Variants in KCND3 observed in about 807,000 individuals in gnomAD.
KCND3 encodes the protein A-type voltage-gated potassium channel KCND3.
In KCND3, 9 loss-of-function variants were observed where a neutral mutation model predicts 51.1. The ratio of observed to expected loss-of-function variants is 0.18; its 90% CI spans 0.11 to 0.31. The LOEUF (loss-of-function observed/expected upper bound fraction) is 0.31, where lower values mean the gene tolerates loss of function less well. KCND3 is among the 10% of genes least tolerant of loss of function. The pLI is 1.00. For synonymous variants in KCND3, 349 were observed against 368.0 expected, an observed-to-expected ratio of 0.95 and a Z score of 0.59; for missense variants, 526 against 903.8, an observed-to-expected ratio of 0.58 and a Z score of 5.36.
intron 2 of KCND3, among the ~76,000 whole-genome samples, chr1:111,826,197 T>C (rs1419222719): frequency 6.6e-6 from 1 of 152,356 alleles, no homozygotes; most frequent in East Asian, 1.9e-4. Flanking sequence ...ACGAGCTCTT[T>C]ATATATTAAA....
chr1:111,950,283 T>G (rs954728138), intron 2 of KCND3, among the ~76,000 whole-genome samples: 3 of 152,218 alleles, frequency 2.0e-5, no homozygotes, highest in Non-Finnish European at 4.4e-5. Context: ...CTATTTAATT[T>G]TTTTGAAAAT....
chr1:111,905,910 T>C (rs1571831078), intron 2 of KCND3, among the ~76,000 whole-genome samples: 4 of 152,328 alleles, frequency 2.6e-5, no homozygotes, highest in East Asian at 3.9e-4. Flanking sequence ...GCCTGCAGCA[T>C]TGGCCCCTGT....
intron 2 of KCND3, among the ~76,000 whole-genome samples, chr1:111,961,656 A>G (rs1412525451): frequency 6.6e-6 from 1 of 152,118 alleles, no homozygotes; most frequent in Non-Finnish European, 1.5e-5. Context: ...ATGGGGATCC[A>G]GTAGGACACT....
intron 2 of KCND3, among the ~76,000 whole-genome samples, chr1:111,851,112 C>T (rs1286437185): frequency 6.6e-6 from 1 of 152,206 alleles, no homozygotes; most frequent in African/African-American, 2.4e-5. Flanking sequence ...CAAAACCCAA[C>T]TTGGACATAA....
At chr1:111,847,047 A>G (rs145840826) in intron 2 of KCND3, among the ~76,000 whole-genome samples, 2 of 152,308 alleles carry the variant, frequency 1.3e-5, no homozygotes, top group African/African-American at 4.8e-5. Context: ...GCAAATATCT[A>G]CAGGCACTTA....
intron 2 of KCND3, among the ~76,000 whole-genome samples, chr1:111,891,927 T>TA (rs1669843005): frequency 6.6e-6 from 1 of 152,066 alleles, no homozygotes; most frequent in Non-Finnish European, 1.5e-5. Flanking sequence ...ACACCATCCT[T>TA]GCCCTTATTT....
chr1:111,825,256 CTG>C (rs1210195105), intron 2 of KCND3, among the ~76,000 whole-genome samples: 1 of 152,172 alleles, frequency 6.6e-6, no homozygotes. Context: ...GTCTATGACA[CTG>C]TTAGTATTTT....
chr1:111,789,666 C>A (rs545533621), intron 2 of KCND3, among the ~76,000 whole-genome samples: 1 of 152,298 alleles, frequency 6.6e-6, no homozygotes, highest in East Asian at 1.9e-4. Flanking sequence ...CATCAAATTG[C>A]TGGCAGAATT....
chr1:111,974,040 C>T (rs1674489002), intron 2 of KCND3, among the ~76,000 whole-genome samples: 1 of 152,234 alleles, frequency 6.6e-6, no homozygotes, highest in African/African-American at 2.4e-5. Flanking sequence ...TGCAATCTTC[C>T]TCCATCCAGT....
intron 2 of KCND3, among the ~76,000 whole-genome samples, chr1:111,835,369 C>T (rs922512865): frequency 6.6e-6 from 1 of 152,158 alleles, no homozygotes; most frequent in African/African-American, 2.4e-5. Context: ...GGTGTTTGAA[C>T]CAGAGCAAGT....
At chr1:111,842,838 C>T (rs1437831433) in intron 2 of KCND3, among the ~76,000 whole-genome samples, 2 of 152,124 alleles carry the variant, frequency 1.3e-5, no homozygotes. Context: ...AGGAGAAATC[C>T]CAGCTCTCCC....
chr1:111,925,754 C>T (rs1208038426), intron 2 of KCND3, among the ~76,000 whole-genome samples: 1 of 152,122 alleles, frequency 6.6e-6, no homozygotes, highest in Non-Finnish European at 1.5e-5. Context: ...TGTGGTTTAT[C>T]AGGCCCTCCT....
At chr1:111,937,684 G>A (rs1228443257) in intron 2 of KCND3, among the ~76,000 whole-genome samples, 4 of 152,242 alleles carry the variant, frequency 2.6e-5, no homozygotes, top group South Asian at 2.1e-4. Flanking sequence ...TAAAGTCCAG[G>A]AACTTCCTGG....
chr1:111,877,992 A>C lies in KCND3; in HGVS notation c.1107-90886T>G, dbSNP rs115154302. Among the ~76,000 whole-genome samples the C allele has an allele frequency of 4.0e-3, 602 of 152,236 alleles. 4 individuals are homozygous for C. The highest frequency in any genetic ancestry group is 0.014 in the African/African-American group (581 of 41,528). On this transcript the variant is annotated intron_variant, in intron 2 of 7. Transcript: ENST00000302127. The stretch of plus-strand genomic sequence containing the variant: ...AATCATCACAAGAACCACCCCATGG[A>C]GTTGGTGTGTTATTATTCTCATTTT...
chr1:111,867,177 T>C (rs796166276), intron 2 of KCND3, among the ~76,000 whole-genome samples: 24 of 152,240 alleles, frequency 1.6e-4, no homozygotes, highest in African/African-American at 5.8e-4. Flanking sequence ...AAGCCCTTAA[T>C]TGATGGTCCC....
Position 111,780,932 on chromosome 1 carries a change from C to T in KCND3, c.1270-141G>A. 1 of 734,500 alleles carries T rather than the reference C, an allele frequency of 1.4e-6. No individual in the cohort carries two copies. The highest frequency in any genetic ancestry group is 1.5e-5 in the South Asian group (1 of 67,384). The allele number at this position is 734,500 out of a possible 1,614,324, so 45.5% of individuals were successfully genotyped here. A position where few individuals can be genotyped will look rare whatever the true frequency, so the allele number is the denominator to read the frequency against. ...TGTTTCTCTCCAACCTCATGCATCT[C>T]CAGTTGTGTACCCACTTTGTATAGC... is the stretch of plus-strand genomic sequence containing the variant. On this transcript the variant is annotated intron_variant, in intron 3 of 7. Transcript: ENST00000302127. This position sits in a 1 kb window ranked among gnomAD's most constrained non-coding sequence, Gnocchi z 4.2.
chr1:111,801,717 G>A (rs557485668), intron 2 of KCND3, among the ~76,000 whole-genome samples: 1 of 152,304 alleles, frequency 6.6e-6, no homozygotes, highest in African/African-American at 2.4e-5. Context: ...TGCTCCAACT[G>A]CGCTTTGCAA....
At chr1:111,867,866 C>T (rs1405006093) in intron 2 of KCND3, among the ~76,000 whole-genome samples, 1 of 152,182 alleles carries the variant, frequency 6.6e-6, no homozygotes, top group Non-Finnish European at 1.5e-5. Context: ...AGAGCACAGG[C>T]TATGGGGGCA....
At chr1:111,891,748 A>G (rs1462351780) in intron 2 of KCND3, among the ~76,000 whole-genome samples, 1 of 152,226 alleles carries the variant, frequency 6.6e-6, no homozygotes, top group African/African-American at 2.4e-5. Context: ...TTGTATCTCC[A>G]GATCTCAATA....
Sources: gnomAD v4.1 joint callset for allele counts (sites outside exome capture counted in the v4.1 genomes callset) on GRCh38, gnomAD v4.1.1 for gene constraint, Gnocchi (gnomAD v3.1) non-coding constraint, MANE v1.5 for transcripts, NCBI Gene and HGNC (gene_info 2026-07-23, HGNC 2026-07-21) for gene names.